The following IGLL5 variants were observed in gnomAD, a reference collection of about 807,000 sequenced individuals.
The protein encoded by IGLL5 is immunoglobulin lambda like polypeptide 5.
In IGLL5, 30 loss-of-function variants were observed where a neutral mutation model predicts 20.9. The ratio of observed to expected loss-of-function variants is 1.44; its 90% confidence interval spans 1.07 to 1.95. The LOEUF (loss-of-function observed/expected upper bound fraction) is 1.95. Ranked by LOEUF, IGLL5 falls within the 30% of genes most tolerant of loss-of-function variation. The probability of loss-of-function intolerance (pLI) is 0.00; values close to 1 mark genes in which losing one functional copy is unlikely to be tolerated. For missense variants in IGLL5, 475 were observed against 270.7 expected (o/e 1.75, Z -5.30); for synonymous variants, 203 against 117.3 (o/e 1.73, Z -4.72).
In IGLL5 at chr22:22,889,207, G is replaced by A. The variant is rs2067696872; in HGVS notation, c.206+948G>A. ...GTCCAGGGTAGGTGGGGATCCTGGAGGAAGCCGTGCCTTGGGGATGGGGAG... is the reference window on the plus strand; with the variant it reads ...GTCCAGGGTAGGTGGGGATCCTGGAAGAAGCCGTGCCTTGGGGATGGGGAG... On this transcript the variant is annotated intron_variant, in intron 1 of 2. Coordinates refer to ENST00000526893, the MANE Select transcript of IGLL5 (RefSeq NM_001178126.2). 2.6e-5 allele frequency among the ~76,000 whole-genome samples: 4 copies of A among 151,184 alleles called. No individual in the cohort carries two copies. In the South Asian group the frequency reaches 6.3e-4, roughly 24 times the overall value.
In IGLL5 at chr22:22,889,628, C is replaced by T. The variant is rs145328034; in HGVS notation, c.206+1369C>T. Among the ~76,000 whole-genome samples the T allele has an allele frequency of 5.3e-5, 8 of 151,342 alleles. 1 individual carries two copies. The highest frequency in any genetic ancestry group is 4.2e-4 in the South Asian group (2 of 4,728). ...GTTTTGAAACAGTCTTGATCTGTTG[C>T]TCAGGCTGGAGTACAGTGGCGTGGC... On this transcript the variant is annotated intron_variant, in intron 1 of 2. Coordinates refer to ENST00000526893, the MANE Select transcript of IGLL5 (RefSeq NM_001178126.2).
chr22:22,888,439 GTTTT>G, intron 1 of IGLL5, among the ~76,000 whole-genome samples, 180 bp downstream of exon 1: 1 of 151,382 alleles, frequency 6.6e-6, no homozygotes, highest in Non-Finnish European at 1.5e-5. Context: ...TTGAATTACT[GTTTT>G]TAATATCATA....
intron 1 of IGLL5, among the ~76,000 whole-genome samples, chr22:22,891,183 C>G (rs6003375): frequency 0.023 from 3,418 of 150,934 alleles, 129 homozygotes; most frequent in African/African-American, 0.067. Flanking sequence ...ATATTATAAA[C>G]TCATTTTTCT....
In IGLL5 at chr22:22,895,772, T is replaced by C. The variant is rs2066755171; in HGVS notation, c.*78T>C. On this transcript the variant is annotated 3_prime_UTR_variant, in exon 3 of 3. Coordinates refer to ENST00000526893, the MANE Select transcript of IGLL5 (RefSeq NM_001178126.2). ...GAGGGGTCTCTCTCCCCATCCCAAG[T>C]CATCCAGCCCTTCTCCCTGCACTCA... The C allele has an allele frequency of 1.4e-5, 19 of 1,348,516 alleles. No homozygotes were observed. Among genetic ancestry groups the C allele is most frequent in the Non-Finnish European group, 1.9e-5 (18 of 940,118 alleles). 83.5% of individuals were successfully genotyped at this position (1,348,516 alleles called of 1,614,324 possible).
At position 22,887,912 on chromosome 22, in the gene IGLL5, C is replaced by A; in HGVS notation, c.-142C>A. The A allele has an allele frequency of 8.1e-6, 6 of 739,876 alleles. No homozygotes were observed. Among genetic ancestry groups the A allele is most frequent in the Admixed American group, 2.1e-5 (1 of 48,396 alleles). The allele number at this position is 739,876 out of a possible 1,614,324, so 45.8% of individuals were successfully genotyped here. On this transcript the variant is annotated 5_prime_UTR_variant, in exon 1 of 3. Coordinates refer to ENST00000526893, the MANE Select transcript of IGLL5 (RefSeq NM_001178126.2). Reference sequence around the variant, plus strand: ...GAAGGGCCTGGGCTAGGGACAGGGACCAGAGCCAGTCCAGGGAGAGGACAG... The same window carrying A: ...GAAGGGCCTGGGCTAGGGACAGGGAACAGAGCCAGTCCAGGGAGAGGACAG...
At chr22:22,894,533 T>C in intron 2 of IGLL5, among the ~76,000 whole-genome samples, 1 of 151,526 alleles carries the variant, frequency 6.6e-6, no homozygotes, top group Middle Eastern at 3.8e-3. Context: ...TGGGGCCCAG[T>C]GTCTCTCTGT....
At position 22,893,931 on chromosome 22, in the gene IGLL5, C is replaced by T. The variant is rs1160609387; in HGVS notation, c.325+113C>T. The T allele has an allele frequency of 1.6e-5, 13 of 792,728 alleles. 1 individual carries two copies. The highest frequency in any genetic ancestry group is 5.1e-5 in the African/African-American group (3 of 59,162). 49.1% of individuals were successfully genotyped at this position (792,728 alleles called of 1,614,324 possible). On this transcript the variant is annotated intron_variant, in intron 2 of 2. Transcript: ENST00000526893. ...TGTCCTCCCAGCCTTAAGCACTGACCCTTACCTTTCTCCATGGGGCCTGGA... is the reference window on the plus strand; with the variant it reads ...TGTCCTCCCAGCCTTAAGCACTGACTCTTACCTTTCTCCATGGGGCCTGGA...
chr22:22,893,840 C>A (rs760673007), intron 2 of IGLL5, 22 bp downstream of exon 2: 6 of 1,479,440 alleles, frequency 4.1e-6, no homozygotes, highest in African/African-American at 1.4e-5. Flanking sequence ...TCAACCTTTC[C>A]CAGCCTGTCT....
chr22:22,888,692 AAGGC>A (rs2067633270), intron 1 of IGLL5, among the ~76,000 whole-genome samples: 1 of 151,132 alleles, frequency 6.6e-6, no homozygotes, highest in African/African-American at 2.4e-5. Context: ...CTCCCTGGAG[AAGGC>A]AGCAAGGGCT....
intron 1 of IGLL5, among the ~76,000 whole-genome samples, chr22:22,889,703 T>A (rs2067746044): frequency 6.6e-6 from 1 of 151,194 alleles, no homozygotes; most frequent in Non-Finnish European, 1.5e-5. Flanking sequence ...TCCTCCAGCC[T>A]CAGCCTCCTG....
At chr22:22,889,150 T>A (rs148130474) in intron 1 of IGLL5, among the ~76,000 whole-genome samples, 2 of 150,706 alleles carry the variant, frequency 1.3e-5, no homozygotes, top group South Asian at 2.1e-4. Flanking sequence ...CGACGCCCGA[T>A]TAGAGGAGGG....
chr22:22,894,279 T>G (rs562102490), intron 2 of IGLL5, among the ~76,000 whole-genome samples: 2 of 150,796 alleles, frequency 1.3e-5, no homozygotes, highest in Admixed American at 6.6e-5. Flanking sequence ...CAATCCAGCC[T>G]GGGAGGGCCA....
chr22:22,890,405 T>C (rs2146006891), intron 1 of IGLL5, among the ~76,000 whole-genome samples: 1 of 150,582 alleles, frequency 6.6e-6, no homozygotes, highest in Non-Finnish European at 1.5e-5. Context: ...TTACCAACTT[T>C]TAATCTATTA....
chr22:22,894,291 A>G (rs1601625342), intron 2 of IGLL5, among the ~76,000 whole-genome samples: 4 of 151,282 alleles, frequency 2.6e-5, no homozygotes, highest in South Asian at 4.2e-4. Context: ...GGAGGGCCAC[A>G]CGGCCTGGTG....
At chr22:22,888,357 T>G (rs1445749181) in intron 1 of IGLL5, 98 bp downstream of exon 1, 6 of 1,158,804 alleles carry the variant, frequency 5.2e-6, no homozygotes, top group Admixed American at 2.3e-5. Flanking sequence ...GGAGGAAGGT[T>G]AACCCCTAAG....
chr22:22,894,272 T>C (rs2068009353), intron 2 of IGLL5, among the ~76,000 whole-genome samples: 4 of 150,476 alleles, frequency 2.7e-5, no homozygotes, highest in Admixed American at 6.7e-5. Flanking sequence ...TGGATGCCAA[T>C]CCAGCCTGGG....
At chr22:22,888,641 T>G (rs556144997) in intron 1 of IGLL5, among the ~76,000 whole-genome samples, 4 of 151,112 alleles carry the variant, frequency 2.6e-5, no homozygotes, top group East Asian at 4.1e-4. Flanking sequence ...CCCCTCCTCC[T>G]CTCTGCCCAT....
Position 22,888,020 on chromosome 22 carries a change from G to C in IGLL5, c.-34G>C, listed in dbSNP as rs1446690837. 6.5e-7 allele frequency: 1 copy of C among 1,527,080 alleles called. No individual in the cohort carries two copies. Among genetic ancestry groups the C allele is most frequent in the Non-Finnish European group, 8.9e-7 (1 of 1,126,490 alleles). The allele number at this position is 1,527,080 out of a possible 1,614,324, so 94.6% of individuals were successfully genotyped here. On this transcript the variant is annotated 5_prime_UTR_variant, in exon 1 of 3. Coordinates refer to ENST00000526893, the MANE Select transcript of IGLL5 (RefSeq NM_001178126.2). ...GTCCTCCAGGGAGCCCATGCTGCAA[G>C]TCGGGCCAGAGGTGCCCCTGAACCT...
intron 1 of IGLL5, among the ~76,000 whole-genome samples, chr22:22,889,769 A>T (rs1569082836): frequency 6.6e-6 from 1 of 151,266 alleles, no homozygotes; most frequent in African/African-American, 2.4e-5. Flanking sequence ...GATTAGGATT[A>T]TTATTAGTTT....
Sources: allele counts gnomAD v4.1 joint callset (sites outside exome capture counted in the v4.1 genomes callset), GRCh38; gene constraint gnomAD v4.1.1; transcripts MANE v1.5; gene names NCBI Gene and HGNC (gene_info 2026-07-23, HGNC 2026-07-21).